The following TMEM198 variants were observed in gnomAD, a reference collection of about 807,000 sequenced individuals.
The protein encoded by TMEM198 is transmembrane protein 198.
Under a neutral mutation model 31.5 loss-of-function variants are expected in TMEM198, and 21 were observed. The ratio of observed to expected loss-of-function variants is 0.67; its 90% confidence interval spans 0.47 to 0.96. The LOEUF (loss-of-function observed/expected upper bound fraction) is 0.96, where lower values mean the gene tolerates loss of function less well. Ranked by LOEUF, TMEM198 falls within the 40% of genes least tolerant of loss-of-function variation. The pLI is 0.00. For missense variants in TMEM198, 447 were observed against 499.4 expected (o/e 0.89, Z 1.00); for synonymous variants, 211 against 223.3 (o/e 0.95, Z 0.49).
At chr2:219,543,808 G>A (rs914867971), upstream of TMEM198, 24 of 453,982 alleles carry the variant, frequency 5.3e-5, no homozygotes, top group Non-Finnish European at 8.6e-5. Flanking sequence ...ACGTGTCACT[G>A]CAAGGGCCCC....
chr2:219,549,935 G>A lies in TMEM198; in HGVS notation c.*81G>A. 2 of 1,555,486 alleles carry A rather than the reference G, an allele frequency of 1.3e-6. No homozygotes were observed. The highest frequency in any genetic ancestry group is 8.7e-7 in the Non-Finnish European group (1 of 1,143,682). The stretch of plus-strand genomic sequence containing the variant: ...TGCTAGGCTGCCACTCAGCCTCCTG[G>A]CTTTGGCTGTCCCTCTCCCCAGCCT... On this transcript the variant is annotated 3_prime_UTR_variant, in exon 5 of 5. Transcript: ENST00000373883.
At chr2:219,545,158 T>C (rs1695366027) in intron 2 of TMEM198, among the ~76,000 whole-genome samples, 1 of 152,256 alleles carries the variant, frequency 6.6e-6, no homozygotes, top group South Asian at 2.1e-4. Flanking sequence ...GCCTCAGTTT[T>C]CTCATCTGAA....
chr2:219,546,929 CCA>C (rs1331508355), intron 2 of TMEM198, among the ~76,000 whole-genome samples: 1 of 152,114 alleles, frequency 6.6e-6, no homozygotes, highest in Non-Finnish European at 1.5e-5. Flanking sequence ...CAGGTGCGTG[CCA>C]CCATGCCCGG....
In TMEM198 at chr2:219,547,984, G is replaced by A; in HGVS notation, c.645G>A (p.Trp215Ter). 6.3e-7 allele frequency: 1 copy of A among 1,586,046 alleles called. No homozygotes were observed. The highest frequency in any genetic ancestry group is 8.5e-7 in the Non-Finnish European group (1 of 1,170,762). The change falls in exon 3 of 5, where the codon TGG (tryptophan) becomes TGA (stop). Residue 215 changes from tryptophan (W) to a stop codon, truncating the protein, a stop_gained. Coordinates refer to ENST00000373883, the MANE Select transcript of TMEM198 (RefSeq NM_001005209.3). LOFTEE classifies it high-confidence loss of function. ...LRAAPVPPLC[W>*]RSWALLALWP... ...CTGCTCCTGTGCCCCCACTCTGCTG[G>A]CGAAGCTGGGCCCTGCTGGCACTCT...
Position 219,547,312 on chromosome 2 carries a change from A to G in TMEM198, c.167-194A>G, listed in dbSNP as rs930679232. 25 of 465,634 alleles carry G rather than the reference A, an allele frequency of 5.4e-5. 1 individual carries two copies. The highest frequency in any genetic ancestry group is 5.0e-4 in the African/African-American group (25 of 50,348). 28.8% of individuals were successfully genotyped at this position (465,634 alleles called of 1,614,324 possible). On this transcript the variant is annotated intron_variant, in intron 2 of 4. Coordinates refer to ENST00000373883, the MANE Select transcript of TMEM198 (RefSeq NM_001005209.3). Reference sequence around the variant, plus strand: ...GCCTTCCCATTGACCACCAACAGCCATATCTCTCTAACCTCCCCTGACCTC... The same window carrying G: ...GCCTTCCCATTGACCACCAACAGCCGTATCTCTCTAACCTCCCCTGACCTC...
At position 219,549,338 on chromosome 2, in the gene TMEM198, G is replaced by A. The variant is rs762313909; in HGVS notation, c.929G>A (p.Gly310Glu). The A allele has an allele frequency of 6.2e-7, 1 of 1,613,128 alleles. No individual in the cohort carries two copies. The highest frequency in any genetic ancestry group is 8.5e-7 in the Non-Finnish European group (1 of 1,179,622). ...CCAGTGCCCATCAAACGCTTCAATG[G>A]AGACGTCCTCTCCCCGGTGAGCTCC... ...RRPVPIKRFN[G>E]DVLSPSYIQS... Residue 310 changes from glycine (G) to glutamate (E), a missense_variant, in exon 4 of 5, where the codon GGA (glycine) becomes GAA (glutamate). Gly to Glu is a moderately conservative substitution (Grantham distance 98). Transcript: ENST00000373883.
In TMEM198 at chr2:219,549,338, G is replaced by T; in HGVS notation, c.929G>T (p.Gly310Val). ...RRPVPIKRFN[G>V]DVLSPSYIQS... ...CCAGTGCCCATCAAACGCTTCAATG[G>T]AGACGTCCTCTCCCCGGTGAGCTCC... Residue 310 changes from glycine (G) to valine (V), a missense_variant, in exon 4 of 5, where the codon GGA becomes GTA. Transcript: ENST00000373883. The T allele has an allele frequency of 9.9e-6, 16 of 1,613,128 alleles. No homozygotes were observed. The highest frequency in any genetic ancestry group is 1.4e-5 in the Non-Finnish European group (16 of 1,179,622).
chr2:219,549,260 G>T lies in TMEM198; in HGVS notation c.851G>T (p.Gly284Val), dbSNP rs765449926. The T allele has an allele frequency of 6.2e-7, 1 of 1,613,970 alleles. No individual in the cohort carries two copies. The highest frequency in any genetic ancestry group is 1.1e-5 in the South Asian group (1 of 91,086). The change falls in exon 4 of 5, where the codon GGT becomes GTT. Residue 284 changes from glycine (G) to valine (V), a missense_variant. Transcript: ENST00000373883. ...KKRPPRAPLRGPRAPPRPGPP... is the reference protein window; with the variant it reads ...KKRPPRAPLRVPRAPPRPGPP... ...AGACCTCCTCGGGCTCCCCTCAGAG[G>T]TCCCCGGGCTCCTCCCAGGCCTGGG...
chr2:219,546,249 C>A (rs547792437), intron 2 of TMEM198, among the ~76,000 whole-genome samples: 1 of 152,298 alleles, frequency 6.6e-6, no homozygotes, highest in South Asian at 2.1e-4. Context: ...TGATTTCCAT[C>A]TTTCCAACTA....
At position 219,550,157 on chromosome 2, in the gene TMEM198, G is replaced by A; in HGVS notation, c.*303G>A. 1 of 298,574 alleles carries A rather than the reference G, an allele frequency of 3.3e-6. No individual in the cohort carries two copies. The allele number at this position is 298,574 out of a possible 1,614,324, so 18.5% of individuals were successfully genotyped here. A position where few individuals can be genotyped will look rare whatever the true frequency, so the allele number is the denominator to read the frequency against. ...TGTGGGGGTGGGCAGGCTTGGAGGG[G>A]ACGCTGGGACCCTTGCCTTAGATTT... On this transcript the variant is annotated 3_prime_UTR_variant, in exon 5 of 5. Coordinates refer to ENST00000373883, the MANE Select transcript of TMEM198 (RefSeq NM_001005209.3).
Position 219,544,856 on chromosome 2 carries a change from C to T in TMEM198, c.129C>T (p.Ile43=), listed in dbSNP as rs762868381. Residue 43 remains isoleucine (I), a synonymous_variant, in exon 2 of 5, where the codon ATC becomes ATT. Coordinates refer to ENST00000373883, the MANE Select transcript of TMEM198 (RefSeq NM_001005209.3). The part of the protein sequence containing the change: ...RYQALPALVC[I]MCCLFGVVYC... ...AGGCACTGCCGGCCCTCGTCTGCAT[C>T]ATGTGCTGTTTGTTTGGAGTCGTCT... 14 of 1,614,140 alleles carry T rather than the reference C, an allele frequency of 8.7e-6. No individual in the cohort carries two copies. The highest frequency in any genetic ancestry group is 1.2e-5 in the Non-Finnish European group (14 of 1,180,050).
At chr2:219,547,422 T>A in intron 2 of TMEM198, 84 bp from the exon 3 acceptor site, 1 of 1,111,622 alleles carries the variant, frequency 9.0e-7, no homozygotes, top group Non-Finnish European at 1.2e-6. Flanking sequence ...TCCCCTGGGA[T>A]CCCATGTCCT....
In TMEM198 at chr2:219,549,783, A is replaced by G. The variant is rs776291458; in HGVS notation, c.1012A>G (p.Thr338Ala). The change falls in exon 5 of 5, where the codon ACA (threonine) becomes GCA (alanine). Residue 338 changes from threonine (T) to alanine (A), a missense_variant. By Grantham distance (58) the Thr-to-Ala change is moderately conservative. Coordinates refer to ENST00000373883, the MANE Select transcript of TMEM198 (RefSeq NM_001005209.3). The part of the protein sequence containing the change: ...SSLSSFMASP[T>A]DADYEYGSRG... ...CCTGAGCTCCTTCATGGCCTCACCC[A>G]CAGATGCGGACTATGAGTATGGGTC... 4 of 1,614,070 alleles carry G rather than the reference A, an allele frequency of 2.5e-6. No individual in the cohort carries two copies. In the East Asian group the frequency reaches 8.9e-5, roughly 36 times the overall value.
intron 3 of TMEM198, 130 bp from the exon 4 acceptor site, chr2:219,549,022 G>A: frequency 1.1e-6 from 1 of 941,556 alleles, no homozygotes; most frequent in Non-Finnish European, 1.6e-6. Context: ...GAAGTGACAG[G>A]GTGGGAGTAA....
chr2:219,547,261 C>T, intron 2 of TMEM198: 1 of 398,144 alleles, frequency 2.5e-6, no homozygotes, highest in Non-Finnish European at 4.4e-6. Context: ...AATACATCAA[C>T]CCTCATGATC....
rs775361640 is a variant in TMEM198 at position 219,549,230 on chromosome 2, A to G, written c.821A>G (p.Lys274Arg). The change falls in exon 4 of 5, where the codon AAA (lysine) becomes AGA (arginine). Residue 274 changes from lysine to arginine, a missense_variant. By Grantham distance (26) the Lys-to-Arg change is conservative. Coordinates refer to ENST00000373883, the MANE Select transcript of TMEM198 (RefSeq NM_001005209.3). Reference protein sequence around the residue: ...QQEDRKEKRRKKRPPRAPLRG... With the variant: ...QQEDRKEKRRRKRPPRAPLRG... ...GAAGATCGCAAGGAGAAAAGGCGGAAAAAGAGACCTCCTCGGGCTCCCCTC... is the reference window on the plus strand; with the variant it reads ...GAAGATCGCAAGGAGAAAAGGCGGAGAAAGAGACCTCCTCGGGCTCCCCTC... 6.2e-7 allele frequency: 1 copy of G among 1,614,020 alleles called. No homozygotes were observed. Among genetic ancestry groups the G allele is most frequent in the Admixed American group, 1.7e-5 (1 of 60,032 alleles).
At chr2:219,544,403 A>T (rs999221815) in intron 1 of TMEM198, 26 bp downstream of exon 1, 1 of 522,210 alleles carries the variant, frequency 1.9e-6, no homozygotes, top group African/African-American at 1.9e-5. Context: ...TCCCATATTG[A>T]GCCGCCCACA....
At position 219,547,904 on chromosome 2, in the gene TMEM198, G is replaced by A. The variant is rs750371222; in HGVS notation, c.565G>A (p.Asp189Asn). ...TGCTGCGCTGATCGCCACTGCCGCT[G>A]ACTACTTCGCCGAGCTGCTACTGCT... ...TGAALIATAA[D>N]YFAELLLLGR... Residue 189 changes from aspartate (D) to asparagine (N), a missense_variant, in exon 3 of 5, where the codon GAC becomes AAC. By Grantham distance (23) the Asp-to-Asn change is conservative. Transcript: ENST00000373883. 2 of 1,596,558 alleles carry A rather than the reference G, an allele frequency of 1.3e-6. No homozygotes were observed. The highest frequency in any genetic ancestry group is 2.2e-5 in the South Asian group (2 of 90,502).
At chr2:219,547,203 G>A (rs970165656) in intron 2 of TMEM198, 5 of 280,044 alleles carry the variant, frequency 1.8e-5, no homozygotes, top group Admixed American at 1.1e-4. Flanking sequence ...ACCAATGCAC[G>A]AATTCACTCT....
Sources: allele counts gnomAD v4.1 joint callset (sites outside exome capture counted in the v4.1 genomes callset), GRCh38; gene constraint gnomAD v4.1.1; transcripts MANE v1.5; gene names NCBI Gene and HGNC (gene_info 2026-07-23, HGNC 2026-07-21).